The following LMBR1 variants were observed in gnomAD, a reference collection of about 807,000 sequenced individuals.
The protein encoded by LMBR1 is limb region 1 protein homolog.
In LMBR1, 52 loss-of-function variants were observed where a neutral mutation model predicts 73.9. The observed-to-expected ratio is 0.70, with a 90% CI of 0.56 to 0.89. LMBR1 has a LOEUF of 0.89. LMBR1 is among the 40% of genes least tolerant of loss of function. The pLI is 0.00. For missense variants in LMBR1, 539 were observed against 579.8 expected (o/e 0.93, Z 0.72); for synonymous variants, 215 against 209.4 (o/e 1.03, Z -0.23).
At chr7:156,855,847 G>C (rs187775744) in intron 1 of LMBR1, among the ~76,000 whole-genome samples, 1 of 152,166 alleles carries the variant, frequency 6.6e-6, no homozygotes, top group Non-Finnish European at 1.5e-5. Context: ...CAAAAAGAAA[G>C]CTGTAAAATA....
intron 1 of LMBR1, among the ~76,000 whole-genome samples, chr7:156,892,195 A>T (rs2134667371): frequency 6.6e-6 from 1 of 152,372 alleles, no homozygotes; most frequent in Non-Finnish European, 1.5e-5. Context: ...TTGCTTCCAT[A>T]GCAAAATGGA....
At chr7:156,830,220 CA>C (rs1291585248) in intron 3 of LMBR1, among the ~76,000 whole-genome samples, 1 of 151,936 alleles carries the variant, frequency 6.6e-6, no homozygotes, top group East Asian at 1.9e-4. Flanking sequence ...TTTTTTTAAA[CA>C]AAAAATAAAT....
intron 1 of LMBR1, among the ~76,000 whole-genome samples, chr7:156,879,754 C>T (rs1486876310): frequency 6.6e-6 from 1 of 151,640 alleles, no homozygotes; most frequent in Admixed American, 6.6e-5. Context: ...TGAAAAAATG[C>T]TCAACATTAC....
chr7:156,784,611 T>C (rs1251447284), intron 5 of LMBR1, among the ~76,000 whole-genome samples: 1 of 152,196 alleles, frequency 6.6e-6, no homozygotes, highest in Non-Finnish European at 1.5e-5. Context: ...AAAGGAGAAC[T>C]TGAGGAGCGC....
chr7:156,888,110 CA>C (rs1563634395), intron 1 of LMBR1, among the ~76,000 whole-genome samples: 1 of 152,140 alleles, frequency 6.6e-6, no homozygotes, highest in African/African-American at 2.4e-5. Flanking sequence ...GGCAGTTCCT[CA>C]AAAAAATTAA....
At chr7:156,708,045 A>C (rs1389693236) in intron 15 of LMBR1, among the ~76,000 whole-genome samples, 10 of 152,172 alleles carry the variant, frequency 6.6e-5, no homozygotes, top group East Asian at 1.9e-4. Context: ...AAAAAAAAAA[A>C]AAAACTACTA....
intron 5 of LMBR1, among the ~76,000 whole-genome samples, chr7:156,769,508 A>C (rs1284622292): frequency 2.0e-5 from 3 of 152,152 alleles, no homozygotes; most frequent in African/African-American, 7.2e-5. Flanking sequence ...CTAAACCTGG[A>C]ATACAAGGTC....
chr7:156,754,768 A>AT (rs1475559799), intron 9 of LMBR1, among the ~76,000 whole-genome samples: 1 of 151,984 alleles, frequency 6.6e-6, no homozygotes, highest in African/African-American at 2.4e-5. Context: ...GTAAGTCGTG[A>AT]TTTTTTCAGT....
intron 1 of LMBR1, among the ~76,000 whole-genome samples, chr7:156,841,727 T>C (rs1157171386): frequency 4.6e-5 from 7 of 152,082 alleles, no homozygotes; most frequent in Admixed American, 4.6e-4. Context: ...ACAAGAGTTA[T>C]CTTGATGGAG....
chr7:156,795,334 TC>T (rs1279983563), intron 5 of LMBR1, among the ~76,000 whole-genome samples: 1 of 152,212 alleles, frequency 6.6e-6, no homozygotes, highest in East Asian at 1.9e-4. Context: ...CTGTCATTTC[TC>T]CCACTGTCCG....
intron 10 of LMBR1, 36 bp downstream of exon 10, chr7:156,734,141 G>T: frequency 2.3e-6 from 3 of 1,297,686 alleles, no homozygotes; most frequent in Non-Finnish European, 2.2e-6. Flanking sequence ...AGAAACCAAG[G>T]CCAATACACA....
intron 15 of LMBR1, among the ~76,000 whole-genome samples, chr7:156,703,501 G>A (rs1030116528): frequency 3.9e-5 from 6 of 152,112 alleles, no homozygotes; most frequent in East Asian, 1.9e-4. Context: ...ACCTGGGTTC[G>A]CTGCCACAGT....
intron 1 of LMBR1, among the ~76,000 whole-genome samples, chr7:156,870,552 T>G (rs1799120214): frequency 6.6e-6 from 1 of 151,608 alleles, no homozygotes; most frequent in Admixed American, 6.6e-5. Flanking sequence ...GATCATGAGG[T>G]CAGGAGATCG....
intron 1 of LMBR1, among the ~76,000 whole-genome samples, chr7:156,851,650 T>C (rs1215765909): frequency 2.0e-5 from 3 of 151,728 alleles, no homozygotes; most frequent in East Asian, 1.9e-4. Context: ...CCAAAAACAA[T>C]GGAGAGAGAA....
At chr7:156,879,753 G>A (rs954710694) in intron 1 of LMBR1, among the ~76,000 whole-genome samples, 2 of 151,608 alleles carry the variant, frequency 1.3e-5, no homozygotes, top group Non-Finnish European at 2.9e-5. Context: ...ATGAAAAAAT[G>A]CTCAACATTA....
intron 1 of LMBR1, among the ~76,000 whole-genome samples, chr7:156,857,106 C>T (rs532745788): frequency 1.3e-5 from 2 of 151,462 alleles, no homozygotes; most frequent in African/African-American, 4.8e-5. Flanking sequence ...AAAAAAACCA[C>T]CAAGAACAAG....
rs1487022830 is a variant in LMBR1 at position 156,836,819 on chromosome 7, T to C, written c.133A>G (p.Lys45Glu). ...SYFIITRYKR[K>E]SDEQEDEDAI... ...TTGACATGTTTCCACTTGCCTGATT[T>C]TCTCTTGTATCTTGTGATGATGAAG... The change falls in exon 2 of 17, where the codon AAA (lysine) becomes GAA (glutamate). Residue 45 changes from lysine (K) to glutamate (E), a missense_variant. This residue lies in a region of LMBR1 where 454 missense variants were observed against 473.4 expected (regional missense o/e 0.96). Coordinates refer to ENST00000353442, the MANE Select transcript of LMBR1 (RefSeq NM_022458.4). The C allele has an allele frequency of 1.3e-6, 2 of 1,571,822 alleles. No homozygotes were observed. Among genetic ancestry groups the C allele is most frequent in the Non-Finnish European group, 1.7e-6 (2 of 1,153,550 alleles).
chr7:156,716,904 G>C (rs1402278247), intron 15 of LMBR1, among the ~76,000 whole-genome samples: 4 of 152,130 alleles, frequency 2.6e-5, no homozygotes, highest in Non-Finnish European at 5.9e-5. Flanking sequence ...GATCACTTGA[G>C]CCCAGGAGTT....
rs181218335 is a variant in LMBR1 at position 156,776,101 on chromosome 7, A to G, written c.424-12306T>C. Among the ~76,000 whole-genome samples the G allele has an allele frequency of 2.5e-3, 371 of 148,506 alleles. 1 individual carries two copies. The highest frequency in any genetic ancestry group is 8.7e-3 in the African/African-American group (356 of 40,926). ...TTATACATATTTTATACATTTTTAT[A>G]TATGTAAATTATATATATTTTATAT... On this transcript the variant is annotated intron_variant, in intron 5 of 16. Transcript: ENST00000353442.
Sources: gnomAD v4.1 joint callset for allele counts (sites outside exome capture counted in the v4.1 genomes callset) on GRCh38, gnomAD v4.1.1 for gene constraint, gnomAD v4.1.1 regional missense constraint, MANE v1.5 for transcripts, NCBI Gene and HGNC (gene_info 2026-07-23, HGNC 2026-07-21) for gene names.